PRIM2: variants seen among roughly 807,000 people sequenced by gnomAD.
PRIM2 encodes DNA primase subunit 2, also known as DNA primase large subunit.
In PRIM2, 39 loss-of-function variants were observed where a neutral mutation model predicts 67.3. The ratio of observed to expected loss-of-function variants is 0.58; its 90% CI spans 0.45 to 0.76. The LOEUF is 0.76. Ranked by LOEUF, PRIM2 falls within the 30% of genes least tolerant of loss-of-function variation. The pLI, the probability that PRIM2 is intolerant of heterozygous loss-of-function variation, is 0.00. For missense variants in PRIM2, 398 were observed against 598.7 expected (o/e 0.66, Z 3.50); for synonymous variants, 143 against 198.7 (o/e 0.72, Z 2.36).
chr6:57,247,862 C>A, the PRIM2 span, among the ~76,000 whole-genome samples: 1 of 152,084 alleles, frequency 6.6e-6, no homozygotes, highest in Non-Finnish European at 1.5e-5. Context: ...ACATTTGTAG[C>A]CCTGACTAGT....
chr6:57,374,795 T>TG, intron 5 of PRIM2, among the ~76,000 whole-genome samples: 1 of 152,170 alleles, frequency 6.6e-6, no homozygotes, highest in Non-Finnish European at 1.5e-5. Context: ...TTCGCCGTGT[T>TG]GGGCAGTCAT....
At position 57,509,176 on chromosome 6, in the gene PRIM2, T is replaced by G. The variant is rs1168147772; in HGVS notation, c.761+1722T>G. 4.0e-5 allele frequency among the ~76,000 whole-genome samples: 6 copies of G among 151,758 alleles called. No homozygotes were observed. In the East Asian group the frequency reaches 1.2e-3, roughly 29 times the overall value. ...TTCCTTCCCAGACAGCTTTTTAACC[T>G]TTGTATAATTGTTTTGTTGGGTTAC... On this transcript the variant is annotated intron_variant, in intron 8 of 13. Transcript: ENST00000615550.
At chr6:57,448,872 C>T (rs1772443370) in intron 7 of PRIM2, among the ~76,000 whole-genome samples, 1 of 152,092 alleles carries the variant, frequency 6.6e-6, no homozygotes, top group Admixed American at 6.6e-5. Flanking sequence ...TATTGTCAGT[C>T]TTATGATCTC....
At chr6:57,311,905 GC>G (rs1156375866), upstream of PRIM2, among the ~76,000 whole-genome samples, 2 of 151,828 alleles carry the variant, frequency 1.3e-5, no homozygotes, top group African/African-American at 4.8e-5. Context: ...CGCGTGCCTG[GC>G]AGGCCGAGGC....
rs1427822539 is a variant in PRIM2 at position 57,487,313 on chromosome 6, C to T, written c.694-20074C>T. Among the ~76,000 whole-genome samples, 63 of 152,280 alleles carry T rather than the reference C, an allele frequency of 4.1e-4. 1 individual carries two copies. The East Asian group carries it at 0.011, about 27-fold the overall frequency. ...GGTGTGATCTTGGCTCACTGCAACC[C>T]GGGCCTCCCAGGTTCAAGCTATTCT... On this transcript the variant is annotated intron_variant, in intron 7 of 13. Coordinates refer to ENST00000615550, the MANE Select transcript of PRIM2 (RefSeq NM_000947.5).
intron 10 of PRIM2, among the ~76,000 whole-genome samples, chr6:57,557,256 G>C (rs1775530518): frequency 6.9e-6 from 1 of 145,512 alleles, no homozygotes; most frequent in Non-Finnish European, 1.5e-5. Context: ...ATTCGACCCA[G>C]CAATGCTATT....
intron 7 of PRIM2, among the ~76,000 whole-genome samples, chr6:57,416,792 T>C (rs1771277730): frequency 6.6e-6 from 1 of 152,192 alleles, no homozygotes; most frequent in South Asian, 2.1e-4. Flanking sequence ...CCATCTCTGC[T>C]AGCCTCCAAC....
At chr6:57,453,187 A>G (rs1214400779) in intron 7 of PRIM2, among the ~76,000 whole-genome samples, 18 of 152,308 alleles carry the variant, frequency 1.2e-4, no homozygotes, top group African/African-American at 4.1e-4. Flanking sequence ...TGGTTACTGT[A>G]GCCTTGTAGT....
chr6:57,419,450 G>A (rs1771390218), intron 7 of PRIM2, among the ~76,000 whole-genome samples: 1 of 152,124 alleles, frequency 6.6e-6, no homozygotes, highest in Admixed American at 6.5e-5. Flanking sequence ...GAGGTTTTTG[G>A]TGGTCTGTAC....
rs1354568215 is a variant in PRIM2, at chr6:57,565,262, A to T, written c.1020+27637A>T. Reference sequence around the variant, plus strand: ...TACTAAACAGTTATCAGTCTTTTCCATATTTTATTTATTTATCCCTTTTTA... The same window carrying T: ...TACTAAACAGTTATCAGTCTTTTCCTTATTTTATTTATTTATCCCTTTTTA... On this transcript the variant is annotated intron_variant, in intron 10 of 13. Coordinates refer to ENST00000615550, the MANE Select transcript of PRIM2 (RefSeq NM_000947.5). 7.8e-4 allele frequency among the ~76,000 whole-genome samples: 117 copies of T among 149,226 alleles called. 1 individual carries two copies. Among genetic ancestry groups the T allele is most frequent in the Non-Finnish European group, 1.2e-3 (83 of 67,260 alleles).
At chr6:57,286,644 G>A in the PRIM2 span, among the ~76,000 whole-genome samples, 23 of 152,020 alleles carry the variant, frequency 1.5e-4, no homozygotes, top group African/African-American at 5.5e-4. Flanking sequence ...AAACCTAAAA[G>A]TATAAAAACC....
chr6:57,446,296 T>G (rs1021388087), intron 7 of PRIM2, among the ~76,000 whole-genome samples: 1 of 151,432 alleles, frequency 6.6e-6, no homozygotes, highest in East Asian at 1.9e-4. Flanking sequence ...TTTGTTTTTT[T>G]TTTTTTTAGA....
intron 5 of PRIM2, among the ~76,000 whole-genome samples, chr6:57,368,911 C>T (rs1227303833): frequency 6.6e-6 from 1 of 152,142 alleles, no homozygotes; most frequent in Admixed American, 6.5e-5. Context: ...GTCATTTTGT[C>T]CCTGGACTCA....
chr6:57,588,391 C>T (rs1415940097), intron 10 of PRIM2, among the ~76,000 whole-genome samples: 2 of 149,476 alleles, frequency 1.3e-5, no homozygotes, highest in African/African-American at 4.9e-5. Context: ...ATTGTGTTGT[C>T]CTGGTATCGA....
chr6:57,396,408 C>T (rs1213866632), intron 7 of PRIM2, among the ~76,000 whole-genome samples: 1 of 152,120 alleles, frequency 6.6e-6, no homozygotes, highest in Non-Finnish European at 1.5e-5. Flanking sequence ...TATAATGTCC[C>T]TGTTTCTGTC....
At chr6:57,633,747 A>G (rs1242321656) in intron 13 of PRIM2, among the ~76,000 whole-genome samples, 8,158 of 152,082 alleles carry the variant, frequency 0.054, 317 homozygotes, top group Non-Finnish European at 0.082. Flanking sequence ...GGGGTTCACA[A>G]TAGGGTTCAC....
At chr6:57,541,921 A>C (rs1276891892) in intron 10 of PRIM2, among the ~76,000 whole-genome samples, 4 of 151,194 alleles carry the variant, frequency 2.6e-5, no homozygotes. Context: ...GTTTGACCAA[A>C]TGTCTGGGCA....
In PRIM2 at chr6:57,558,881, G is replaced by A. The variant is rs1445653271; in HGVS notation, c.1020+21256G>A. On this transcript the variant is annotated intron_variant, in intron 10 of 13. Coordinates refer to ENST00000615550, the MANE Select transcript of PRIM2 (RefSeq NM_000947.5). ...GGTGGCTCACACCTATAATCTCAGT[G>A]CTGTGGGTGGCCAAGGTGGGAAGAT... is the stretch of plus-strand genomic sequence containing the variant. Among the ~76,000 whole-genome samples, 1,086 of 152,106 alleles carry A rather than the reference G, an allele frequency of 7.1e-3. 5 individuals carry two copies. Among genetic ancestry groups the A allele is most frequent in the Non-Finnish European group, 0.012 (832 of 67,994 alleles).
intron 7 of PRIM2, among the ~76,000 whole-genome samples, chr6:57,392,615 A>G (rs1242239315): frequency 1.3e-5 from 2 of 151,968 alleles, no homozygotes; most frequent in African/African-American, 2.4e-5. Context: ...CTAATAGCCT[A>G]GAGAGGGAGA....
Sources: allele counts gnomAD v4.1 joint callset (sites outside exome capture counted in the v4.1 genomes callset), GRCh38; gene constraint gnomAD v4.1.1; transcripts MANE v1.5; gene names NCBI Gene and HGNC (gene_info 2026-07-23, HGNC 2026-07-21).